The following SLC2A13 variants were observed in gnomAD, a reference collection of about 807,000 sequenced individuals.
SLC2A13 encodes proton myo-inositol cotransporter.
A neutral mutation model predicts 64.4 loss-of-function variants in SLC2A13; 32 were observed. The observed-to-expected ratio is 0.50, with a 90% CI of 0.37 to 0.67. The LOEUF (loss-of-function observed/expected upper bound fraction) is 0.67, where lower values mean the gene tolerates loss of function less well. Ranked by LOEUF, SLC2A13 falls within the 30% of genes least tolerant of loss-of-function variation. The pLI, the probability that SLC2A13 is intolerant of heterozygous loss-of-function variation, is 0.00. For missense variants in SLC2A13, 743 were observed against 829.2 expected (o/e 0.90, Z 1.28); for synonymous variants, 338 against 327.1 (o/e 1.03, Z -0.36).
At chr12:40,078,185 T>C (rs915999091) in intron 1 of SLC2A13, among the ~76,000 whole-genome samples, 28 of 152,192 alleles carry the variant, frequency 1.8e-4, no homozygotes, top group Non-Finnish European at 2.9e-5. Flanking sequence ...TCCAGTACTA[T>C]GCTGAATAGG....
intron 6 of SLC2A13, among the ~76,000 whole-genome samples, chr12:39,860,284 A>C (rs1305035438): frequency 1.3e-5 from 2 of 152,244 alleles, no homozygotes; most frequent in East Asian, 3.8e-4. Flanking sequence ...GCCTTCCAGC[A>C]TGAATAGCTT....
At chr12:39,895,760 G>GTA (rs1944773619) in intron 4 of SLC2A13, among the ~76,000 whole-genome samples, 1 of 36,036 alleles carries the variant, frequency 2.8e-5, no homozygotes, top group Non-Finnish European at 6.4e-5. Flanking sequence ...GCGTGTATAC[G>GTA]TACACACATG....
chr12:40,048,118 T>G lies in SLC2A13; in HGVS notation c.649A>C (p.Thr217Pro). ...RLVTINTLFI[T>P]GGQFFASVVD... is the part of the protein sequence containing the mutation. ...ACACTTGCAAAGAACTGCCCTCCTGTGATGAAGAGGGTATTAATGGTGACT... is the reference window on the plus strand; with the variant it reads ...ACACTTGCAAAGAACTGCCCTCCTGGGATGAAGAGGGTATTAATGGTGACT... Residue 217 changes from threonine to proline, a missense_variant, in exon 2 of 10, where the codon ACA becomes CCA. This residue lies in a region of SLC2A13 where 448 missense variants were observed against 447.4 expected (regional missense o/e 1.00). Transcript: ENST00000280871. 6.2e-7 allele frequency: 1 copy of G among 1,613,600 alleles called. No homozygotes were observed. The highest frequency in any genetic ancestry group is 8.5e-7 in the Non-Finnish European group (1 of 1,179,706).
At chr12:39,910,610 A>T (rs2136039908) in intron 4 of SLC2A13, among the ~76,000 whole-genome samples, 1 of 152,190 alleles carries the variant, frequency 6.6e-6, no homozygotes, top group Middle Eastern at 3.4e-3. Context: ...TTGGGAACCC[A>T]CAGAAAAAGT....
chr12:40,017,976 T>TAA lies in SLC2A13; in HGVS notation c.925+10323_925+10324dup, dbSNP rs5797648. The stretch of plus-strand genomic sequence containing the variant: ...CTGAAGTGGCTTCAATGCACATATT[T>TAA]AAAAAAAAAAAAAAAAAGAAAGAAA... On this transcript the variant is annotated intron_variant, in intron 3 of 9. Coordinates refer to ENST00000280871, the MANE Select transcript of SLC2A13 (RefSeq NM_052885.4). Among the ~76,000 whole-genome samples, 811 of 128,508 alleles carry TAA rather than the reference T, an allele frequency of 6.3e-3. 11 individuals are homozygous for TAA. Among genetic ancestry groups the TAA allele is most frequent in the African/African-American group, 0.019 (634 of 34,168 alleles). 84.3% of individuals were successfully genotyped at this position (128,508 alleles called of 152,430 possible).
At chr12:39,861,017 T>C (rs758471960) in intron 6 of SLC2A13, among the ~76,000 whole-genome samples, 13 of 152,338 alleles carry the variant, frequency 8.5e-5, no homozygotes, top group Admixed American at 5.2e-4. Flanking sequence ...TCTGTCTTAA[T>C]AGTCTTATCT....
chr12:39,796,138 C>A (rs1941566194), intron 7 of SLC2A13, among the ~76,000 whole-genome samples: 3 of 152,148 alleles, frequency 2.0e-5, no homozygotes, highest in Admixed American at 6.5e-5. Flanking sequence ...CAGTATATCA[C>A]CTTTTGTAAC....
At chr12:39,910,022 T>A (rs1945391308) in intron 4 of SLC2A13, among the ~76,000 whole-genome samples, 1 of 152,028 alleles carries the variant, frequency 6.6e-6, no homozygotes, top group East Asian at 1.9e-4. Flanking sequence ...ATTTTTACCT[T>A]TTTAAGAAGG....
chr12:40,100,250 C>T (rs908550168), intron 1 of SLC2A13, among the ~76,000 whole-genome samples: 4 of 152,176 alleles, frequency 2.6e-5, no homozygotes, highest in African/African-American at 4.8e-5. Context: ...ATTAATTCAA[C>T]GAATCCCGTG....
intron 6 of SLC2A13, among the ~76,000 whole-genome samples, chr12:39,846,691 A>T (rs1204582792): frequency 3.9e-5 from 6 of 152,108 alleles, no homozygotes; most frequent in African/African-American, 1.2e-4. Flanking sequence ...GGCTCAAAAG[A>T]TCCACTGGCC....
chr12:40,007,664 T>C (rs1422844136), intron 3 of SLC2A13, among the ~76,000 whole-genome samples: 1 of 152,188 alleles, frequency 6.6e-6, no homozygotes, highest in Admixed American at 6.5e-5. Flanking sequence ...AGTTCTTCTA[T>C]TTCCTAACAG....
At chr12:39,835,579 A>G (rs924867798) in intron 6 of SLC2A13, 1 of 152,162 alleles carries the variant, frequency 6.6e-6, no homozygotes, top group Non-Finnish European at 1.5e-5. Flanking sequence ...ATCCACATTT[A>G]GTAAAGCTGA....
intron 3 of SLC2A13, among the ~76,000 whole-genome samples, chr12:39,999,296 G>T (rs28740219): frequency 6.6e-6 from 1 of 152,158 alleles, no homozygotes; most frequent in African/African-American, 2.4e-5. Context: ...CTGACTGCCC[G>T]CGGGGTCAGG....
rs1178432665 is a variant in SLC2A13 at position 39,764,621 on chromosome 12, T to G, written c.1568-9A>C. 1.9e-6 allele frequency: 3 copies of G among 1,582,260 alleles called. No homozygotes were observed. In the East Asian group the frequency reaches 6.7e-5, roughly 35 times the overall value. ...AGGCATTGGTCCCATTCCTGAGAAA[T>G]AAAACATTAAAAACTTTAGTAAAAT... On this transcript the variant is annotated splice_polypyrimidine_tract_variant and intron_variant, in intron 8 of 9. Transcript: ENST00000280871.
At chr12:40,013,626 T>C (rs1205765344) in intron 3 of SLC2A13, among the ~76,000 whole-genome samples, 3 of 152,204 alleles carry the variant, frequency 2.0e-5, no homozygotes, top group Non-Finnish European at 2.9e-5. Context: ...AGAACCACTA[T>C]CTAAATCTAC....
intron 6 of SLC2A13, among the ~76,000 whole-genome samples, chr12:39,859,137 C>A (rs1448114791): frequency 1.3e-5 from 2 of 151,940 alleles, no homozygotes; most frequent in Non-Finnish European, 2.9e-5. Flanking sequence ...ACAGATGAAG[C>A]CACAGTTTGT....
Position 40,077,332 on chromosome 12 carries a change from G to A in SLC2A13, c.556+27921C>T, listed in dbSNP as rs1938215049. On this transcript the variant is annotated intron_variant, in intron 1 of 9. Coordinates refer to ENST00000280871, the MANE Select transcript of SLC2A13 (RefSeq NM_052885.4). ...CTATCTTGAGTTGATTTTTGTATATGAAGAAAGGAAAGGGTCCAGCTGCAA... is the reference window on the plus strand; with the variant it reads ...CTATCTTGAGTTGATTTTTGTATATAAAGAAAGGAAAGGGTCCAGCTGCAA... Among the ~76,000 whole-genome samples, 3 of 152,218 alleles carry A rather than the reference G, an allele frequency of 2.0e-5. No homozygotes were observed. The South Asian group carries it at 6.2e-4, about 32-fold the overall frequency.
chr12:39,760,262 A>T lies in SLC2A13; in HGVS notation c.1721-10T>A, dbSNP rs1475365232. ...TAGAGGAAGAAAGCTCCTGCAACGG[A>T]ATATAATAGATACATGAATATGAAT... On this transcript the variant is annotated splice_polypyrimidine_tract_variant and intron_variant, in intron 9 of 9. Transcript: ENST00000280871. 1 of 1,597,522 alleles carries T rather than the reference A, an allele frequency of 6.3e-7. No homozygotes were observed. Among genetic ancestry groups the T allele is most frequent in the Non-Finnish European group, 8.6e-7 (1 of 1,167,946 alleles).
chr12:39,822,911 T>C (rs1442945953), intron 7 of SLC2A13, among the ~76,000 whole-genome samples: 1 of 152,230 alleles, frequency 6.6e-6, no homozygotes, highest in Non-Finnish European at 1.5e-5. Context: ...GATAAATTAA[T>C]ATGGACGAGG....
Sources: allele counts gnomAD v4.1 joint callset (sites outside exome capture counted in the v4.1 genomes callset), GRCh38; gene constraint gnomAD v4.1.1; regional missense constraint gnomAD v4.1.1; transcripts MANE v1.5; gene names NCBI Gene and HGNC (gene_info 2026-07-23, HGNC 2026-07-21).